Variants in VPS13C observed in about 807,000 individuals in gnomAD.
VPS13C encodes vacuolar protein sorting 13 homolog C.
VPS13C carries 358 observed loss-of-function variants against 456.8 expected under a neutral mutation model. The observed-to-expected ratio is 0.78, with a 90% CI of 0.72 to 0.86. The LOEUF is 0.86. Among genes scored for constraint, VPS13C ranks in the 40% least tolerant of loss-of-function variants. The pLI, the probability that VPS13C is intolerant of heterozygous loss-of-function variation, is 0.00. For synonymous variants in VPS13C, 1,578 were observed against 1,486.7 expected, an observed-to-expected ratio of 1.06 and a Z score of -1.41; for missense variants, 4,818 against 4,385.4, an observed-to-expected ratio of 1.10 and a Z score of -2.79.
At position 61,972,516 on chromosome 15, in the gene VPS13C, G is replaced by A. The variant is rs960839378; in HGVS notation, c.2757+109C>T. 3 of 1,202,590 alleles carry A rather than the reference G, an allele frequency of 2.5e-6. No individual in the cohort carries two copies. In the African/African-American group the frequency reaches 4.5e-5, roughly 18 times the overall value. The allele number at this position is 1,202,590 out of a possible 1,614,324, so 74.5% of individuals were successfully genotyped here. On this transcript the variant is annotated intron_variant, in intron 27 of 84. Transcript: ENST00000644861. ...TGCATGTGTGTTGGGCAGCAGGAAA[G>A]ACAGAGTACCACATTTTTAATATAC... is the stretch of plus-strand genomic sequence containing the variant.
At chr15:61,990,524 T>C (rs1300835100) in intron 18 of VPS13C, among the ~76,000 whole-genome samples, 1 of 152,078 alleles carries the variant, frequency 6.6e-6, no homozygotes, top group Admixed American at 6.6e-5. Flanking sequence ...AAATCTAAAG[T>C]TGGAGGCTGG....
Position 61,873,237 on chromosome 15 carries a change from A to C in VPS13C, c.10578+9T>G, listed in dbSNP as rs1566960441. On this transcript the variant is annotated intron_variant, in intron 78 of 84. Coordinates refer to ENST00000644861, the MANE Select transcript of VPS13C (RefSeq NM_020821.3). ...TGCAGATTTCTTAAAGATTCAGCAA[A>C]GAACTTACTCGCAGAAAGCCCTTTC... 1 of 1,613,130 alleles carries C rather than the reference A, an allele frequency of 6.2e-7. No individual in the cohort carries two copies. The highest frequency in any genetic ancestry group is 8.5e-7 in the Non-Finnish European group (1 of 1,179,452).
intron 1 of VPS13C, among the ~76,000 whole-genome samples, chr15:62,054,957 G>C (rs773520851): frequency 1.3e-5 from 2 of 152,128 alleles, no homozygotes; most frequent in African/African-American, 4.8e-5. Flanking sequence ...TACAGATTAC[G>C]AGAGTGAGAA....
At chr15:61,975,192 T>G (rs1405960432) in intron 24 of VPS13C, among the ~76,000 whole-genome samples, 1 of 151,870 alleles carries the variant, frequency 6.6e-6, no homozygotes, top group Non-Finnish European at 1.5e-5. Context: ...AGGTCTCAAA[T>G]CAGTGACCTC....
At chr15:61,896,096 T>C (rs2042802498) in intron 66 of VPS13C, among the ~76,000 whole-genome samples, 1 of 152,118 alleles carries the variant, frequency 6.6e-6, no homozygotes, top group Non-Finnish European at 1.5e-5. Flanking sequence ...AACATTATTT[T>C]AAAAGAAACA....
At chr15:61,908,333 T>C (rs1566989893) in intron 65 of VPS13C, among the ~76,000 whole-genome samples, 1 of 151,760 alleles carries the variant, frequency 6.6e-6, no homozygotes, top group East Asian at 1.9e-4. Flanking sequence ...TGTGTATATA[T>C]GCATGAATAT....
In VPS13C at chr15:61,927,191, G is replaced by A. The variant is rs187060746; in HGVS notation, c.6416C>T (p.Ser2139Leu). The change falls in exon 52 of 85, where the codon TCA becomes TTA. Residue 2139 changes from serine (S) to leucine (L), a missense_variant. This residue lies in a region of VPS13C where 4,552 missense variants were observed against 4,130.6 expected (regional missense o/e 1.10). Transcript: ENST00000644861. Reference sequence around the variant, plus strand: ...CATCATCTGTTCGAGTTTGGATGTTGACAGAGAAAGGTTGCACTGAAACGA... The same window carrying A: ...CATCATCTGTTCGAGTTTGGATGTTAACAGAGAAAGGTTGCACTGAAACGA... The part of the protein sequence containing the change: ...TASFQCNLSL[S>L]TSKLEQMMEA... 1.2e-6 allele frequency: 2 copies of A among 1,614,126 alleles called. No homozygotes were observed. The highest frequency in any genetic ancestry group is 1.7e-6 in the Non-Finnish European group (2 of 1,180,012).
intron 59 of VPS13C, 96 bp downstream of exon 59, chr15:61,918,040 A>G: frequency 7.7e-7 from 1 of 1,293,704 alleles, no homozygotes. Context: ...ACTGGCTTTT[A>G]CTGATCTTTA....
At chr15:61,980,629 C>A (rs1185331466) in intron 22 of VPS13C, among the ~76,000 whole-genome samples, 3 of 148,618 alleles carry the variant, frequency 2.0e-5, no homozygotes, top group Admixed American at 2.0e-4. Flanking sequence ...TTTTTGGTTT[C>A]CTAATCTTAA....
intron 66 of VPS13C, among the ~76,000 whole-genome samples, chr15:61,899,878 A>T (rs2042944115): frequency 6.6e-6 from 1 of 151,966 alleles, no homozygotes; most frequent in Non-Finnish European, 1.5e-5. Flanking sequence ...ATACTGGCAA[A>T]ACGAATCCAG....
intron 52 of VPS13C, among the ~76,000 whole-genome samples, chr15:61,926,081 T>C (rs1276296996): frequency 6.6e-6 from 1 of 152,180 alleles, no homozygotes; most frequent in Non-Finnish European, 1.5e-5. Context: ...GAGCAATTAG[T>C]ACGGCATAAT....
chr15:61,952,745 G>T (rs1307030438), intron 38 of VPS13C, among the ~76,000 whole-genome samples: 1 of 152,060 alleles, frequency 6.6e-6, no homozygotes, highest in Non-Finnish European at 1.5e-5. Flanking sequence ...TAGAGACAGG[G>T]TCTTGCTCTG....
rs1277374568 is a variant in VPS13C, at chr15:61,955,947, C to T, written c.4166-1393G>A. ...TCTCAGAGAATTTAAAACAGAACTA[C>T]CTTTGACCCAGCACTCCTATTACAG... On this transcript the variant is annotated intron_variant, in intron 37 of 84. Coordinates refer to ENST00000644861, the MANE Select transcript of VPS13C (RefSeq NM_020821.3). 4.6e-5 allele frequency among the ~76,000 whole-genome samples: 7 copies of T among 152,104 alleles called. 1 individual carries two copies.
At chr15:61,935,711 A>C (rs2044206259) in intron 48 of VPS13C, 1 of 152,194 alleles carries the variant, frequency 6.6e-6, no homozygotes, top group Non-Finnish European at 1.5e-5. Context: ...GCAATACTTA[A>C]AACTATCCAC....
chr15:61,864,269 A>G, intron 81 of VPS13C: 1 of 807,702 alleles, frequency 1.2e-6, no homozygotes, highest in Non-Finnish European at 1.5e-6. Flanking sequence ...ATTTATTTCT[A>G]AAAACAAATA....
At chr15:61,978,093 A>G (rs2045763100) in intron 23 of VPS13C, among the ~76,000 whole-genome samples, 1 of 152,052 alleles carries the variant, frequency 6.6e-6, no homozygotes, top group East Asian at 1.9e-4. Context: ...ATAGAAAAAC[A>G]CCAAAGCTTT....
chr15:61,867,926 A>G lies in VPS13C; in HGVS notation c.10863+733T>C, dbSNP rs1455975567. On this transcript the variant is annotated intron_variant, in intron 81 of 84. Coordinates refer to ENST00000644861, the MANE Select transcript of VPS13C (RefSeq NM_020821.3). The surrounding 1 kb of genome is among the most constrained non-coding windows in gnomAD (Gnocchi z 5.0). Reference sequence around the variant, plus strand: ...TCAAGTAGTAGTTTAGGAAACATTTATTCCTGTATTTCCAGTTCTTGCTGT... The same window carrying G: ...TCAAGTAGTAGTTTAGGAAACATTTGTTCCTGTATTTCCAGTTCTTGCTGT... 1 of 1,606,902 alleles carries G rather than the reference A, an allele frequency of 6.2e-7. No individual in the cohort carries two copies. Among genetic ancestry groups the G allele is most frequent in the South Asian group, 1.1e-5 (1 of 90,292 alleles).
intron 1 of VPS13C, among the ~76,000 whole-genome samples, chr15:62,059,386 C>A (rs374495616): frequency 2.7e-4 from 41 of 152,250 alleles, no homozygotes; most frequent in African/African-American, 9.1e-4. Context: ...CCAAAGCTGA[C>A]AAAGTTCCCA....
rs2043171819 is a variant in VPS13C at position 61,907,060 on chromosome 15, T to C, written c.9105+204A>G. On this transcript the variant is annotated intron_variant, in intron 66 of 84. Coordinates refer to ENST00000644861, the MANE Select transcript of VPS13C (RefSeq NM_020821.3). ...GATAAAGCAGGTCTATTTTTTAAATTGTAAATAAATTACTTTGATAGAGCT... is the reference window on the plus strand; with the variant it reads ...GATAAAGCAGGTCTATTTTTTAAATCGTAAATAAATTACTTTGATAGAGCT... 1.2e-5 allele frequency: 7 copies of C among 566,638 alleles called. No homozygotes were observed. The East Asian group carries it at 1.7e-4, about 14-fold the overall frequency. 35.1% of individuals were successfully genotyped at this position (566,638 alleles called of 1,614,324 possible). A position where few individuals can be genotyped will look rare whatever the true frequency, so the allele number is the denominator to read the frequency against.
Sources: allele counts gnomAD v4.1 joint callset (sites outside exome capture counted in the v4.1 genomes callset), GRCh38; gene constraint gnomAD v4.1.1; regional missense constraint gnomAD v4.1.1; non-coding constraint Gnocchi (gnomAD v3.1); transcripts MANE v1.5; gene names NCBI Gene and HGNC (gene_info 2026-07-23, HGNC 2026-07-21).